FMO3: variants seen among roughly 807,000 people sequenced by gnomAD.
FMO3 encodes flavin-containing monooxygenase 3.
Under a neutral mutation model 39.4 loss-of-function variants are expected in FMO3, and 40 were observed. The observed-to-expected ratio is 1.02, with a 90% CI of 0.79 to 1.32. FMO3 has a LOEUF of 1.32. FMO3 is among the 40% of genes most tolerant of loss of function. FMO3 has a pLI of 0.00. For synonymous variants in FMO3, 219 were observed against 228.8 expected (o/e 0.96, Z 0.39); for missense variants, 680 against 651.8 (o/e 1.04, Z -0.47).
intron 2 of FMO3, among the ~76,000 whole-genome samples, chr1:171,096,764 A>G (rs1447525879): frequency 7.7e-6 from 1 of 129,290 alleles, no homozygotes; most frequent in Non-Finnish European, 1.6e-5. Flanking sequence ...TTAAAAATAT[A>G]TAATTAATAT....
chr1:171,103,310 T>C (rs991167279), intron 2 of FMO3, among the ~76,000 whole-genome samples: 2 of 152,150 alleles, frequency 1.3e-5, no homozygotes, highest in Admixed American at 1.3e-4. Context: ...TAAGTTCCCT[T>C]AGTAAGTTTC....
chr1:171,106,802 G>T (rs534054430), intron 3 of FMO3, among the ~76,000 whole-genome samples: 1 of 152,124 alleles, frequency 6.6e-6, no homozygotes, highest in East Asian at 1.9e-4. Context: ...AAAATGAATT[G>T]CATTTCTGTA....
intron 3 of FMO3, among the ~76,000 whole-genome samples, chr1:171,106,073 ATGT>A (rs949258738): frequency 3.9e-5 from 6 of 152,180 alleles, no homozygotes; most frequent in African/African-American, 1.2e-4. Context: ...ACATTTTGAA[ATGT>A]TAACATATCA....
Position 171,116,295 on chromosome 1 carries a change from T to C in FMO3, c.1256+15T>C, listed in dbSNP as rs190231413. On this transcript the variant is annotated intron_variant, in intron 8 of 8. Transcript: ENST00000367755. ...AAGCGCAAATGGTAAGAGTACCTAT[T>C]GTAATAGGAGTGTAGGATTTCCATA... 3 of 1,359,600 alleles carry C rather than the reference T, an allele frequency of 2.2e-6. No individual in the cohort carries two copies. The African/African-American group carries it at 4.3e-5, about 19-fold the overall frequency. 84.2% of individuals were successfully genotyped at this position (1,359,600 alleles called of 1,614,324 possible).
chr1:171,116,347 G>C (rs777525414), intron 8 of FMO3, 67 bp downstream of exon 8: 16 of 850,322 alleles, frequency 1.9e-5, no homozygotes, highest in Non-Finnish European at 3.2e-5. Flanking sequence ...TGAATGCTTG[G>C]AACTGTTTTA....
chr1:171,096,032 A>AATATATATTATATATT (rs1654986625), intron 2 of FMO3, among the ~76,000 whole-genome samples: 3 of 68,996 alleles, frequency 4.3e-5, no homozygotes, highest in African/African-American at 1.5e-4. Context: ...ATTAATATAT[A>AATATATATTATATATT]ATATATATTA....
intron 3 of FMO3, among the ~76,000 whole-genome samples, chr1:171,106,550 A>G (rs1236088381): frequency 1.3e-5 from 2 of 152,228 alleles, no homozygotes; most frequent in Non-Finnish European, 2.9e-5. Context: ...GAACAAGATA[A>G]GAATTCCTAA....
intron 2 of FMO3, among the ~76,000 whole-genome samples, chr1:171,095,469 C>A (rs1320305800): frequency 6.6e-6 from 1 of 151,848 alleles, no homozygotes; most frequent in Non-Finnish European, 1.5e-5. Context: ...TATTTTTCTT[C>A]TTCTGATAAA....
chr1:171,116,794 G>C (rs1044240662), intron 8 of FMO3, among the ~76,000 whole-genome samples: 1 of 152,184 alleles, frequency 6.6e-6, no homozygotes, highest in African/African-American at 2.4e-5. Flanking sequence ...ATTTGAGCAA[G>C]AGGCAATCTA....
At chr1:171,104,538 A>G (rs909455109) in intron 3 of FMO3, among the ~76,000 whole-genome samples, 1 of 152,184 alleles carries the variant, frequency 6.6e-6, no homozygotes. Context: ...GTAAAAAAGC[A>G]TATGTACAAA....
At chr1:171,101,929 T>G (rs1444899381) in intron 2 of FMO3, 1 of 356,236 alleles carries the variant, frequency 2.8e-6, no homozygotes, top group Non-Finnish European at 5.5e-6. Context: ...GATTTTTTTC[T>G]GGACTATGTA....
intron 6 of FMO3, among the ~76,000 whole-genome samples, chr1:171,112,230 G>T (rs969956717): frequency 5.3e-5 from 8 of 152,336 alleles, no homozygotes; most frequent in Middle Eastern, 3.4e-3. Context: ...GTAGATCATT[G>T]TAAGGACTCT....
At chr1:171,094,074 C>T (rs553682279) in intron 2 of FMO3, among the ~76,000 whole-genome samples, 72 of 152,036 alleles carry the variant, frequency 4.7e-4, no homozygotes, top group African/African-American at 1.3e-3. Context: ...GGTGATCTGC[C>T]GGCCTCGGAC....
intron 2 of FMO3, among the ~76,000 whole-genome samples, chr1:171,102,492 C>T (rs1189483519): frequency 6.6e-6 from 1 of 152,314 alleles, no homozygotes; most frequent in East Asian, 1.9e-4. Context: ...GAGCTCACAG[C>T]TGTAACAGAT....
chr1:171,096,070 A>AT (rs1294454622), intron 2 of FMO3, among the ~76,000 whole-genome samples: 1 of 53,658 alleles, frequency 1.9e-5, no homozygotes, highest in African/African-American at 9.3e-5. Context: ...TATATTATAT[A>AT]TTAATATATA....
At position 171,096,061 on chromosome 1, in the gene FMO3, ATATT is replaced by A. The variant is rs1557933263; in HGVS notation, c.132+3272_132+3275del. Among the ~76,000 whole-genome samples, 134 of 53,434 alleles carry A rather than the reference ATATT, an allele frequency of 2.5e-3. 5 individuals carry two copies. The highest frequency in any genetic ancestry group is 0.019 in the African/African-American group (126 of 6,684). 35.1% of individuals were successfully genotyped at this position (53,434 alleles called of 152,430 possible). ...TATATTATATATAAATATATAATAT[ATATT>A]ATATATTAATATATAATATATATTA... On this transcript the variant is annotated intron_variant, in intron 2 of 8. Transcript: ENST00000367755.
chr1:171,106,529 T>A (rs1270059762), intron 3 of FMO3, among the ~76,000 whole-genome samples: 1 of 152,190 alleles, frequency 6.6e-6, no homozygotes, highest in Non-Finnish European at 1.5e-5. Context: ...AGCATTCACT[T>A]TAAAGTTTCA....
rs763235162 is a variant in FMO3 at position 171,117,430 on chromosome 1, T to A, written c.1587T>A (p.Leu529=). The A allele has an allele frequency of 3.1e-6, 5 of 1,613,134 alleles. No individual in the cohort carries two copies. In the South Asian group the frequency reaches 5.5e-5, roughly 18 times the overall value. ...CTATTCTGTTAATCGCTGTTTTCCTTGTGTTGACCTAATCATCATTTTCTC... is the reference window on the plus strand; with the variant it reads ...CTATTCTGTTAATCGCTGTTTTCCTAGTGTTGACCTAATCATCATTTTCTC... ...AIPILLIAVF[L]VLT Residue 529 remains leucine, a synonymous_variant, in exon 9 of 9, where the codon CTT becomes CTA. Transcript: ENST00000367755.
intron 2 of FMO3, among the ~76,000 whole-genome samples, chr1:171,095,135 C>G (rs1654893672): frequency 6.6e-6 from 1 of 152,026 alleles, no homozygotes; most frequent in South Asian, 2.1e-4. Flanking sequence ...GATCTTGCAC[C>G]TCTGGTTAAA....
Sources: allele counts gnomAD v4.1 joint callset (sites outside exome capture counted in the v4.1 genomes callset), GRCh38; gene constraint gnomAD v4.1.1; transcripts MANE v1.5; gene names NCBI Gene and HGNC (gene_info 2026-07-23, HGNC 2026-07-21).